Variants in PGAP1 observed in about 807,000 individuals in gnomAD.
PGAP1 encodes the protein post-GPI attachment to proteins inositol deacylase 1.
In PGAP1, 76 loss-of-function variants were observed where a neutral mutation model predicts 127.0. That is an observed-to-expected ratio of 0.60 (90% CI 0.50 to 0.72). The LOEUF is 0.72. PGAP1 is among the 30% of genes least tolerant of loss of function. PGAP1 has a pLI of 0.00. For synonymous variants in PGAP1, 362 were observed against 366.5 expected, an observed-to-expected ratio of 0.99 and a Z score of 0.14; for missense variants, 982 against 1,071.3, an observed-to-expected ratio of 0.92 and a Z score of 1.16.
Position 196,847,984 on chromosome 2 carries a change from C to G in PGAP1, c.1915G>C (p.Val639Leu). The part of the protein sequence containing the change: ...MLDKEAKPYK[V>L]DPFVIIIKFL... ...TTAATGATAATTACAAAAGGATCAA[C>G]TTTGTATGGTTTGGCTTCTTTATCC... Residue 639 changes from valine to leucine, a missense_variant, in exon 21 of 27, where the codon GTT becomes CTT. Physicochemically the swap from Val to Leu is conservative, Grantham distance 32. Transcript: ENST00000354764. 6.2e-7 allele frequency: 1 copy of G among 1,601,046 alleles called. No individual in the cohort carries two copies. The highest frequency in any genetic ancestry group is 8.5e-7 in the Non-Finnish European group (1 of 1,175,254).
At chr2:196,845,505 T>G (rs1373691953) in intron 23 of PGAP1, among the ~76,000 whole-genome samples, 1 of 151,848 alleles carries the variant, frequency 6.6e-6, no homozygotes, top group Non-Finnish European at 1.5e-5. Flanking sequence ...ATTAATAGCT[T>G]GATCCTACTG....
chr2:196,873,106 T>A (rs1701458321), intron 16 of PGAP1, 80 bp from the exon 17 acceptor site: 1 of 522,524 alleles, frequency 1.9e-6, no homozygotes, highest in Non-Finnish European at 3.4e-6. Context: ...ATCTAACTAA[T>A]TATACAATTG....
Position 196,851,193 on chromosome 2 carries a change from C to T in PGAP1, c.1862-3156G>A, listed in dbSNP as rs77035886. ...AAACAAAAAAATAAAAAAACCCTGA[C>T]AAATAGAGCCAGGGAAGGCTGTGAA... is the stretch of plus-strand genomic sequence containing the variant. On this transcript the variant is annotated intron_variant, in intron 20 of 26. Coordinates refer to ENST00000354764, the MANE Select transcript of PGAP1 (RefSeq NM_024989.4). 8.3e-3 allele frequency among the ~76,000 whole-genome samples: 1,259 copies of T among 151,604 alleles called. 18 individuals are homozygous for T. The highest frequency in any genetic ancestry group is 0.029 in the African/African-American group (1,193 of 41,316).
chr2:196,883,289 T>C (rs991116487), intron 12 of PGAP1, among the ~76,000 whole-genome samples: 2 of 152,210 alleles, frequency 1.3e-5, no homozygotes, highest in African/African-American at 4.8e-5. Flanking sequence ...GAAGCACCAA[T>C]GTGGGCAAGG....
intron 12 of PGAP1, among the ~76,000 whole-genome samples, chr2:196,882,657 T>C (rs980871357): frequency 1.3e-5 from 2 of 152,150 alleles, no homozygotes; most frequent in Non-Finnish European, 2.9e-5. Flanking sequence ...GGCTTGACTG[T>C]TGTTGGTGTC....
chr2:196,897,405 T>C (rs1184940769), intron 6 of PGAP1, among the ~76,000 whole-genome samples: 2 of 152,232 alleles, frequency 1.3e-5, no homozygotes, highest in Non-Finnish European at 2.9e-5. Flanking sequence ...CCTGGATGTT[T>C]GCCAGAATTT....
At chr2:196,842,179 T>C (rs1700433019) in intron 26 of PGAP1, among the ~76,000 whole-genome samples, 1 of 152,130 alleles carries the variant, frequency 6.6e-6, no homozygotes, top group Non-Finnish European at 1.5e-5. Flanking sequence ...TAAGAGGGGT[T>C]AAGAAATGTA....
At chr2:196,900,607 C>T (rs74537253) in intron 5 of PGAP1, among the ~76,000 whole-genome samples, 4,052 of 152,202 alleles carry the variant, frequency 0.027, 172 homozygotes, top group African/African-American at 0.093. Context: ...ATACAGAAAT[C>T]AGAGATAACA....
chr2:196,914,978 A>G (rs1398047590), intron 3 of PGAP1, among the ~76,000 whole-genome samples: 1 of 151,978 alleles, frequency 6.6e-6, no homozygotes, highest in African/African-American at 2.4e-5. Context: ...CACCACATCC[A>G]GCTAATATAT....
intron 3 of PGAP1, among the ~76,000 whole-genome samples, chr2:196,916,054 A>G (rs992502772): frequency 6.6e-6 from 1 of 152,192 alleles, no homozygotes; most frequent in Non-Finnish European, 1.5e-5. Flanking sequence ...GGTGCTTCAC[A>G]TATCTTGACC....
intron 12 of PGAP1, among the ~76,000 whole-genome samples, chr2:196,881,516 C>A (rs1701730780): frequency 6.6e-6 from 1 of 152,208 alleles, no homozygotes; most frequent in Non-Finnish European, 1.5e-5. Flanking sequence ...TTCTCTGCAA[C>A]CTCGCCAGCA....
chr2:196,888,623 A>T (rs968855828), intron 10 of PGAP1, among the ~76,000 whole-genome samples: 2 of 151,816 alleles, frequency 1.3e-5, no homozygotes, highest in African/African-American at 4.8e-5. Flanking sequence ...TTTAAGTAGC[A>T]TGGGGGAAAG....
intron 10 of PGAP1, among the ~76,000 whole-genome samples, chr2:196,888,670 C>T (rs1193996567): frequency 6.6e-6 from 1 of 151,918 alleles, no homozygotes; most frequent in African/African-American, 2.4e-5. Flanking sequence ...GACATAAGAT[C>T]TAGGAACTAA....
intron 20 of PGAP1, among the ~76,000 whole-genome samples, chr2:196,859,134 C>T (rs1051510739): frequency 2.0e-5 from 3 of 152,072 alleles, no homozygotes; most frequent in African/African-American, 7.2e-5. Context: ...CAAGACCAGC[C>T]TGGTCAACAT....
chr2:196,857,331 T>C (rs1009403821), intron 20 of PGAP1, among the ~76,000 whole-genome samples: 2 of 152,216 alleles, frequency 1.3e-5, no homozygotes, highest in Non-Finnish European at 2.9e-5. Context: ...CAAAAGACTA[T>C]GGAACAAACT....
chr2:196,901,142 T>C (rs532084900), intron 5 of PGAP1, among the ~76,000 whole-genome samples: 2 of 152,354 alleles, frequency 1.3e-5, no homozygotes, highest in African/African-American at 4.8e-5. Flanking sequence ...CGTCTGTGTT[T>C]ACAAGGAGTT....
chr2:196,892,857 T>C (rs900816360), intron 8 of PGAP1, among the ~76,000 whole-genome samples: 3 of 152,142 alleles, frequency 2.0e-5, no homozygotes, highest in African/African-American at 4.8e-5. Context: ...GTTTATGCAA[T>C]TGTTAGGAGA....
rs1388106888 is a variant in PGAP1, at chr2:196,926,565, C to T, written c.52G>A (p.Val18Ile). 1.9e-6 allele frequency: 3 copies of T among 1,614,086 alleles called. No individual in the cohort carries two copies. The Admixed American group carries it at 5.0e-5, about 27-fold the overall frequency. Residue 18 changes from valine to isoleucine, a missense_variant, in exon 1 of 27, where the codon GTC (valine) becomes ATC (isoleucine). Val to Ile is a conservative substitution (Grantham distance 29). Transcript: ENST00000354764. Reference protein sequence around the residue: ...LWNLAFYVFMVFLATLGLWDV... With the variant: ...LWNLAFYVFMIFLATLGLWDV... ...CACAGCCCCAGGGTTGCCAGAAAGA[C>T]CATGAAGACATAAAACGCCAGGTTC...
Position 196,847,134 on chromosome 2 carries a change from A to T in PGAP1, c.2019T>A (p.Thr673=). ...TCAGGGGGAAACACATACTCTGACA[A>T]GTTAAAATGACGGCATCTAATTCTG... ...LLPELDAVIL[T]CQSMCFPLIS... is the part of the protein sequence containing the mutation. Residue 673 remains threonine (T), a synonymous_variant, in exon 22 of 27, where the codon ACT becomes ACA. Transcript: ENST00000354764. 1 of 1,613,358 alleles carries T rather than the reference A, an allele frequency of 6.2e-7. No individual in the cohort carries two copies.
Sources: allele counts gnomAD v4.1 joint callset (sites outside exome capture counted in the v4.1 genomes callset), GRCh38; gene constraint gnomAD v4.1.1; transcripts MANE v1.5; gene names NCBI Gene and HGNC (gene_info 2026-07-23, HGNC 2026-07-21).